Variants in PCSK2 observed in about 807,000 individuals in gnomAD.
PCSK2 encodes the protein proprotein convertase subtilisin/kexin type 2.
PCSK2 carries 14 observed loss-of-function variants against 69.7 expected under a neutral mutation model. The ratio of observed to expected loss-of-function variants is 0.20; its 90% CI spans 0.13 to 0.31. The LOEUF (loss-of-function observed/expected upper bound fraction) is 0.31, where lower values mean the gene tolerates loss of function less well. Among genes scored for constraint, PCSK2 ranks in the 10% least tolerant of loss-of-function variants. PCSK2 has a pLI of 1.00. For missense variants in PCSK2, 544 were observed against 842.5 expected (o/e 0.65, Z 4.39); for synonymous variants, 307 against 320.7 (o/e 0.96, Z 0.46).
intron 2 of PCSK2, among the ~76,000 whole-genome samples, chr20:17,265,234 G>T (rs1349267261): frequency 6.6e-6 from 1 of 152,142 alleles, no homozygotes; most frequent in Non-Finnish European, 1.5e-5. Context: ...GGAATTTGAG[G>T]TGACCTCTAC....
At chr20:17,301,217 C>A (rs1266864621) in intron 2 of PCSK2, among the ~76,000 whole-genome samples, 1 of 152,182 alleles carries the variant, frequency 6.6e-6, no homozygotes, top group African/African-American at 2.4e-5. Flanking sequence ...AAATTTCCAG[C>A]ACTGGCTGGA....
chr20:17,392,900 G>A (rs1482867918), intron 5 of PCSK2, among the ~76,000 whole-genome samples: 2 of 152,100 alleles, frequency 1.3e-5, no homozygotes, highest in Non-Finnish European at 2.9e-5. Flanking sequence ...ACAGATTTTT[G>A]TATAGAATTT....
intron 1 of PCSK2, among the ~76,000 whole-genome samples, chr20:17,251,324 C>G (rs1186506908): frequency 2.0e-5 from 3 of 152,118 alleles, no homozygotes; most frequent in Non-Finnish European, 4.4e-5. Context: ...ATTTAAGAAC[C>G]ATTGAGCCTG....
chr20:17,331,099 A>T (rs1347721925), intron 2 of PCSK2, among the ~76,000 whole-genome samples: 1 of 152,160 alleles, frequency 6.6e-6, no homozygotes, highest in Non-Finnish European at 1.5e-5. Context: ...GAAAATGTTT[A>T]AAAGGTAAGC....
rs1231922142 is a variant in PCSK2 at position 17,326,498 on chromosome 20, C to G, written c.283-31829C>G. On this transcript the variant is annotated intron_variant, in intron 2 of 11. Transcript: ENST00000262545. Reference sequence around the variant, plus strand: ...ATGGGCTTTAATAATAATATATCAACATCGTGTCATTAGTTGTGAGAAATG... The same window carrying G: ...ATGGGCTTTAATAATAATATATCAAGATCGTGTCATTAGTTGTGAGAAATG... Among the ~76,000 whole-genome samples the G allele has an allele frequency of 2.0e-5, 3 of 152,166 alleles. No individual in the cohort carries two copies. The East Asian group carries it at 5.8e-4, about 29-fold the overall frequency.
chr20:17,379,641 C>T (rs1347607056), intron 5 of PCSK2, among the ~76,000 whole-genome samples: 1 of 152,168 alleles, frequency 6.6e-6, no homozygotes, highest in Non-Finnish European at 1.5e-5. Context: ...AGATTTCCAC[C>T]CTCTGCTGTA....
At chr20:17,318,320 G>C (rs924138361) in intron 2 of PCSK2, among the ~76,000 whole-genome samples, 1 of 152,212 alleles carries the variant, frequency 6.6e-6, no homozygotes, top group African/African-American at 2.4e-5. Context: ...CCCTCTGTGA[G>C]AGATGAAGCA....
chr20:17,428,627 G>T (rs890022120), intron 6 of PCSK2, among the ~76,000 whole-genome samples: 1 of 152,028 alleles, frequency 6.6e-6, no homozygotes, highest in Non-Finnish European at 1.5e-5. Context: ...TGTGCATTCC[G>T]CAGGCCATAC....
chr20:17,371,758 A>C (rs939988800), intron 5 of PCSK2, among the ~76,000 whole-genome samples: 4 of 152,052 alleles, frequency 2.6e-5, no homozygotes, highest in Admixed American at 6.6e-5. Context: ...TCCAAAACAT[A>C]ATTTTAAGGG....
chr20:17,301,309 G>A (rs1203592945), intron 2 of PCSK2, among the ~76,000 whole-genome samples: 1 of 152,170 alleles, frequency 6.6e-6, no homozygotes, highest in African/African-American at 2.4e-5. Flanking sequence ...CTCTGTGTGA[G>A]ACTCAAAAAG....
intron 1 of PCSK2, among the ~76,000 whole-genome samples, chr20:17,232,998 G>A (rs1986199280): frequency 6.6e-6 from 1 of 152,178 alleles, no homozygotes; most frequent in Non-Finnish European, 1.5e-5. Context: ...CTCAAGACCT[G>A]TCTGGTTGAC....
intron 6 of PCSK2, among the ~76,000 whole-genome samples, chr20:17,428,937 T>C (rs967059439): frequency 4.8e-5 from 6 of 125,428 alleles, no homozygotes; most frequent in African/African-American, 1.9e-4. Context: ...AAGTCGAAGC[T>C]GCAGTAAGCC....
intron 1 of PCSK2, among the ~76,000 whole-genome samples, chr20:17,233,391 A>G (rs144896873): frequency 2.6e-4 from 39 of 152,292 alleles, no homozygotes; most frequent in African/African-American, 8.2e-4. Context: ...TCTTTTCCTC[A>G]AAAAAGTAGC....
At chr20:17,357,937 C>A (rs2030259903) in intron 2 of PCSK2, among the ~76,000 whole-genome samples, 1 of 151,538 alleles carries the variant, frequency 6.6e-6, no homozygotes, top group Non-Finnish European at 1.5e-5. Context: ...CTAATTCTTA[C>A]TTTAGGGAAA....
chr20:17,293,667 T>C (rs1988771176), intron 2 of PCSK2, among the ~76,000 whole-genome samples: 2 of 152,222 alleles, frequency 1.3e-5, no homozygotes, highest in Admixed American at 1.3e-4. Context: ...ATGACTAGAT[T>C]AGATTTTACT....
At chr20:17,380,761 C>G (rs778758873) in intron 5 of PCSK2, among the ~76,000 whole-genome samples, 1 of 152,236 alleles carries the variant, frequency 6.6e-6, no homozygotes, top group Non-Finnish European at 1.5e-5. Context: ...TAGCCTCCCC[C>G]TCCCTTCCTG....
intron 2 of PCSK2, among the ~76,000 whole-genome samples, chr20:17,294,524 A>G (rs1367241813): frequency 6.6e-6 from 1 of 152,166 alleles, no homozygotes; most frequent in South Asian, 2.1e-4. Flanking sequence ...TCACACATGA[A>G]GGTTAGACAG....
At chr20:17,315,646 T>G (rs1450500947) in intron 2 of PCSK2, among the ~76,000 whole-genome samples, 2 of 152,228 alleles carry the variant, frequency 1.3e-5, no homozygotes, top group Non-Finnish European at 2.9e-5. Flanking sequence ...AGTAGGTGCC[T>G]GCAGCCAGGG....
At position 17,358,691 on chromosome 20, in the gene PCSK2, T is replaced by C. The variant is rs117315423; in HGVS notation, c.396+251T>C. On this transcript the variant is annotated intron_variant, in intron 3 of 11. Coordinates refer to ENST00000262545, the MANE Select transcript of PCSK2 (RefSeq NM_002594.5). ...CTATGACCAACAACTAGTGGAATTC[T>C]CTTCAGTTCTGAAAAAGTGCACCAG... 5.2e-3 allele frequency among the ~76,000 whole-genome samples: 794 copies of C among 152,340 alleles called. 1 individual carries two copies. The highest frequency in any genetic ancestry group is 0.014 in the Middle Eastern group (4 of 294).
Sources: gnomAD v4.1 joint callset for allele counts (sites outside exome capture counted in the v4.1 genomes callset) on GRCh38, gnomAD v4.1.1 for gene constraint, MANE v1.5 for transcripts, NCBI Gene and HGNC (gene_info 2026-07-23, HGNC 2026-07-21) for gene names.